NAA16: variants seen among roughly 807,000 people sequenced by gnomAD.
The protein encoded by NAA16 is N-alpha-acetyltransferase 16, NatA auxiliary subunit.
Under a neutral mutation model 110.3 loss-of-function variants are expected in NAA16, and 97 were observed. That is an observed-to-expected ratio of 0.88 (90% confidence interval 0.75 to 1.04). NAA16 has a LOEUF of 1.04. Ranked by LOEUF, NAA16 falls within the 50% of genes least tolerant of loss-of-function variation. NAA16 has a pLI of 0.00. For synonymous variants in NAA16, 372 were observed against 330.6 expected (o/e 1.13, Z -1.36); for missense variants, 1,017 against 1,005.1 (o/e 1.01, Z -0.16).
At chr13:41,325,094 A>T (rs1238440025) in intron 5 of NAA16, among the ~76,000 whole-genome samples, 5 of 150,502 alleles carry the variant, frequency 3.3e-5, no homozygotes, top group Non-Finnish European at 7.4e-5. Flanking sequence ...AGTAGCTGGG[A>T]TTACAGGCAT....
In NAA16 at chr13:41,367,427, T is replaced by G; in HGVS notation, c.1540-12T>G. ...AAATGTAAAGGTTAATTTTGTGATT[T>G]TTGTTTTTAAGCATTTTTTTGAGAT... On this transcript the variant is annotated splice_polypyrimidine_tract_variant and intron_variant, in intron 13 of 19. Transcript: ENST00000379406. 6.3e-7 allele frequency: 1 copy of G among 1,576,118 alleles called. No individual in the cohort carries two copies. Among genetic ancestry groups the G allele is most frequent in the Non-Finnish European group, 8.7e-7 (1 of 1,152,692 alleles).
At chr13:41,350,447 C>T (rs867279886) in intron 9 of NAA16, among the ~76,000 whole-genome samples, 1 of 151,852 alleles carries the variant, frequency 6.6e-6, no homozygotes, top group South Asian at 2.1e-4. Context: ...GCGCCCGCCA[C>T]CATACCTGGC....
chr13:41,352,291 G>A (rs1335056535), intron 9 of NAA16, among the ~76,000 whole-genome samples: 1 of 151,976 alleles, frequency 6.6e-6, no homozygotes, highest in Admixed American at 6.6e-5. Flanking sequence ...GCAGGCAGCC[G>A]AGTTCACACC....
In NAA16 at chr13:41,333,567, A is replaced by T. The variant is rs1392254067; in HGVS notation, c.907+2198A>T. On this transcript the variant is annotated intron_variant, in intron 8 of 19. Coordinates refer to ENST00000379406, the MANE Select transcript of NAA16 (RefSeq NM_024561.5). ...GACTTCTCCTCCTTTTATTGGTCTC[A>T]AGGTATATTTTGTGTTTCACAATAT... 2.0e-5 allele frequency among the ~76,000 whole-genome samples: 3 copies of T among 152,120 alleles called. No homozygotes were observed. In the East Asian group the frequency reaches 5.8e-4, roughly 29 times the overall value.
chr13:41,329,099 C>CA (rs1350048169), intron 7 of NAA16, among the ~76,000 whole-genome samples: 2 of 151,680 alleles, frequency 1.3e-5, no homozygotes, highest in Non-Finnish European at 1.5e-5. Context: ...AAAACAAAGC[C>CA]AAACCAAAAC....
chr13:41,372,925 C>T (rs2043351369), intron 17 of NAA16, 95 bp downstream of exon 17: 2 of 1,248,126 alleles, frequency 1.6e-6, no homozygotes, highest in Non-Finnish European at 2.0e-6. Flanking sequence ...ATTTAATAAC[C>T]CTCTCTTTGT....
intron 13 of NAA16, among the ~76,000 whole-genome samples, chr13:41,363,138 A>G (rs1486858581): frequency 6.6e-6 from 1 of 152,058 alleles, no homozygotes; most frequent in Non-Finnish European, 1.5e-5. Flanking sequence ...TGAAAAATAT[A>G]AAGCCCTTGG....
chr13:41,317,165 T>C (rs1019157558), intron 2 of NAA16, among the ~76,000 whole-genome samples: 3 of 151,984 alleles, frequency 2.0e-5, no homozygotes, highest in African/African-American at 7.3e-5. Flanking sequence ...GGGGAAAAAA[T>C]TGGAGAAAGT....
chr13:41,372,973 A>G (rs2043352615), intron 17 of NAA16, 143 bp downstream of exon 17: 1 of 1,117,016 alleles, frequency 9.0e-7, no homozygotes, highest in Non-Finnish European at 1.1e-6. Flanking sequence ...CATGATACAA[A>G]TCCTCTGATC....
At chr13:41,364,847 A>AT (rs2043179665) in intron 13 of NAA16, among the ~76,000 whole-genome samples, 1 of 152,132 alleles carries the variant, frequency 6.6e-6, no homozygotes, top group African/African-American at 2.4e-5. Context: ...CCTAGTTATT[A>AT]TTTTTTAAAT....
rs1042684824 is a variant in NAA16 at position 41,373,702 on chromosome 13, T to G, written c.2221T>G (p.Phe741Val). Residue 741 changes from phenylalanine (F) to valine (V), a missense_variant, in exon 18 of 20, where the codon TTT (phenylalanine) becomes GTT (valine). Coordinates refer to ENST00000379406, the MANE Select transcript of NAA16 (RefSeq NM_024561.5). ...TCTATCTCAAGAAATGCAGAAAATA[T>G]TTGTCAAAAAGGATTTGGAAAGTTT... Reference protein sequence around the residue: ...KVLSQEMQKIFVKKDLESFNE... With the variant: ...KVLSQEMQKIVVKKDLESFNE... 2 of 1,611,356 alleles carry G rather than the reference T, an allele frequency of 1.2e-6. No individual in the cohort carries two copies. Among genetic ancestry groups the G allele is most frequent in the African/African-American group, 2.7e-5 (2 of 74,654 alleles).
At chr13:41,365,508 G>GT (rs955312176) in intron 13 of NAA16, among the ~76,000 whole-genome samples, 27 of 152,248 alleles carry the variant, frequency 1.8e-4, no homozygotes, top group Middle Eastern at 3.4e-3. Context: ...GCAATACACT[G>GT]TTTTTTCCAA....
rs558162595 is a variant in NAA16 at position 41,374,942 on chromosome 13, G to A, written c.2397+103G>A. On this transcript the variant is annotated intron_variant, in intron 19 of 19. Transcript: ENST00000379406. Reference sequence around the variant, plus strand: ...TAGGCCTTCAGAATTATGCCTGGATGTTAATCCCAGCTCTATCAATTATGA... The same window carrying A: ...TAGGCCTTCAGAATTATGCCTGGATATTAATCCCAGCTCTATCAATTATGA... 5.3e-5 allele frequency: 36 copies of A among 681,618 alleles called. No homozygotes were observed. In the South Asian group the frequency reaches 6.6e-4, roughly 13 times the overall value. The allele number at this position is 681,618 out of a possible 1,614,324, so 42.2% of individuals were successfully genotyped here. A position where few individuals can be genotyped will look rare whatever the true frequency, so the allele number is the denominator to read the frequency against.
intron 9 of NAA16, 53 bp downstream of exon 9, chr13:41,336,809 G>T: frequency 9.9e-7 from 1 of 1,009,604 alleles, no homozygotes; most frequent in South Asian, 1.5e-5. Flanking sequence ...CTAAACTGTA[G>T]AAAGATGTCC....
At chr13:41,338,750 T>C (rs1192304475) in intron 9 of NAA16, among the ~76,000 whole-genome samples, 1 of 152,224 alleles carries the variant, frequency 6.6e-6, no homozygotes, top group Non-Finnish European at 1.5e-5. Flanking sequence ...GTGTTTGACT[T>C]TTTTTGTAGT....
At chr13:41,350,256 C>T (rs1263575106) in intron 9 of NAA16, among the ~76,000 whole-genome samples, 1 of 151,256 alleles carries the variant, frequency 6.6e-6, no homozygotes, top group African/African-American at 2.4e-5. Flanking sequence ...CAGCGAGACC[C>T]TGTCTCCCCA....
chr13:41,352,222 G>A (rs564179274), intron 9 of NAA16, among the ~76,000 whole-genome samples: 3 of 152,234 alleles, frequency 2.0e-5, no homozygotes, highest in Non-Finnish European at 2.9e-5. Flanking sequence ...CATGCCTGTA[G>A]TCCCAGCTAC....
chr13:41,327,372 G>A (rs907528213), intron 6 of NAA16, among the ~76,000 whole-genome samples: 11 of 151,426 alleles, frequency 7.3e-5, no homozygotes, highest in Admixed American at 5.3e-4. Context: ...CTTAACTCAG[G>A]TTGCTGTTTC....
In NAA16 at chr13:41,355,210, C is replaced by T. The variant is rs752901505; in HGVS notation, c.1081C>T (p.Pro361Ser). ...ASLKTCDFFSPYENGEKEPPT... is the reference protein window; with the variant it reads ...ASLKTCDFFSSYENGEKEPPT... Reference sequence around the variant, plus strand: ...TCTTAAAACGTGTGACTTTTTTAGCCCATATGGTAAGTTTAAATTAGATTG... The same window carrying T: ...TCTTAAAACGTGTGACTTTTTTAGCTCATATGGTAAGTTTAAATTAGATTG... Residue 361 changes from proline (P) to serine (S), a missense_variant, in exon 10 of 20, where the codon CCA (proline) becomes TCA (serine). Transcript: ENST00000379406. 4 of 1,568,672 alleles carry T rather than the reference C, an allele frequency of 2.5e-6. No homozygotes were observed. Among genetic ancestry groups the T allele is most frequent in the African/African-American group, 1.4e-5 (1 of 72,996 alleles).
Sources: gnomAD v4.1 joint callset for allele counts (sites outside exome capture counted in the v4.1 genomes callset) on GRCh38, gnomAD v4.1.1 for gene constraint, MANE v1.5 for transcripts, NCBI Gene and HGNC (gene_info 2026-07-23, HGNC 2026-07-21) for gene names.